The following ATP6V1B1 variants were observed in gnomAD, a reference collection of about 807,000 sequenced individuals.
ATP6V1B1 encodes V-type proton ATPase subunit B, kidney isoform.
Under a neutral mutation model 62.1 loss-of-function variants are expected in ATP6V1B1, and 41 were observed. The ratio of observed to expected loss-of-function variants is 0.66; its 90% confidence interval spans 0.51 to 0.86. The LOEUF is 0.86. Ranked by LOEUF, ATP6V1B1 falls within the 40% of genes least tolerant of loss-of-function variation. The pLI, the probability that ATP6V1B1 is intolerant of heterozygous loss-of-function variation, is 0.00. For missense variants in ATP6V1B1, 651 were observed against 697.5 expected (o/e 0.93, Z 0.75); for synonymous variants, 253 against 273.4 (o/e 0.93, Z 0.74).
intron 1 of ATP6V1B1, chr2:70,938,537 G>A (rs2104798164): frequency 2.0e-6 from 2 of 985,232 alleles, no homozygotes; most frequent in Non-Finnish European, 2.4e-6. Context: ...CTCCCCCGGG[G>A]GAGGTGGGCT....
At chr2:70,943,276 G>C (rs1268923858) in intron 1 of ATP6V1B1, 5 of 423,586 alleles carry the variant, frequency 1.2e-5, no homozygotes, top group Non-Finnish European at 2.2e-5. Context: ...GCACTTTTCG[G>C]CCACAGCCGG....
intron 2 of ATP6V1B1, among the ~76,000 whole-genome samples, chr2:70,957,011 T>G (rs1237880650): frequency 6.6e-6 from 1 of 152,182 alleles, no homozygotes; most frequent in Non-Finnish European, 1.5e-5. Context: ...GCCATTTGTA[T>G]GTCGTCTTTG....
Position 70,963,572 on chromosome 2 carries a change from A to G in ATP6V1B1, c.1061A>G (p.Asp354Gly), listed in dbSNP as rs901409563. The change falls in exon 11 of 14, where the codon GAT becomes GGT. Residue 354 changes from aspartate to glycine, a missense_variant and splice_region_variant. By Grantham distance (94) the Asp-to-Gly change is moderately conservative. Transcript: ENST00000234396. This position sits in a 1 kb window ranked among gnomAD's most constrained non-coding sequence, Gnocchi z 4.3. ...CTGAGGCCAGTGAGTTTTCTTGTAGATATCACCCACCCTATCCCAGACTTG... is the reference window on the plus strand; with the variant it reads ...CTGAGGCCAGTGAGTTTTCTTGTAGGTATCACCCACCCTATCCCAGACTTG... ...QIPILTMPNDDITHPIPDLTG... is the reference protein window; with the variant it reads ...QIPILTMPNDGITHPIPDLTG... 5.6e-6 allele frequency: 9 copies of G among 1,613,950 alleles called. No individual in the cohort carries two copies. Among genetic ancestry groups the G allele is most frequent in the African/African-American group, 4.0e-5 (3 of 74,916 alleles).
chr2:70,943,146 C>G (rs1680044628), intron 1 of ATP6V1B1, among the ~76,000 whole-genome samples: 1 of 151,890 alleles, frequency 6.6e-6, no homozygotes, highest in Non-Finnish European at 1.5e-5. Context: ...GAGGCCCCGT[C>G]TGGTTTTTCT....
chr2:70,943,924 C>A, intron 2 of ATP6V1B1: 1 of 894,754 alleles, frequency 1.1e-6, no homozygotes, highest in Non-Finnish European at 1.3e-6. Context: ...CAGTAAAAAC[C>A]ATAAAAACCC....
chr2:70,958,245 C>A, intron 3 of ATP6V1B1, 88 bp from the exon 4 acceptor site: 1 of 1,591,416 alleles, frequency 6.3e-7, no homozygotes, highest in Non-Finnish European at 8.6e-7. Flanking sequence ...TGGTCTATTT[C>A]CCTGAGAGCA....
chr2:70,944,889 G>A (rs11126310), intron 2 of ATP6V1B1, among the ~76,000 whole-genome samples: 58,077 of 151,868 alleles, frequency 0.38, 11,410 homozygotes, highest in East Asian at 0.56. Flanking sequence ...GGATGGTCTC[G>A]ATCTCTTGAC....
chr2:70,962,280 G>A (rs1241886577), intron 8 of ATP6V1B1, among the ~76,000 whole-genome samples: 1 of 152,204 alleles, frequency 6.6e-6, no homozygotes, highest in African/African-American at 2.4e-5. Context: ...CACATTAGGT[G>A]TGCTTTGAGC....
At position 70,963,778 on chromosome 2, in the gene ATP6V1B1, GC is replaced by G; in HGVS notation, c.1143+126del. 1 of 1,035,478 alleles carries G rather than the reference GC, an allele frequency of 9.7e-7. No individual in the cohort carries two copies. 64.1% of individuals were successfully genotyped at this position (1,035,478 alleles called of 1,614,324 possible). A position where few individuals can be genotyped will look rare whatever the true frequency, so the allele number is the denominator to read the frequency against. On this transcript the variant is annotated intron_variant, in intron 11 of 13. Transcript: ENST00000234396. This position sits in a 1 kb window ranked among gnomAD's most constrained non-coding sequence, Gnocchi z 4.3. ...CAAAGCGAACCCCAAACAGGAGACA[GC>G]CACAGGGAAGACTGCATGGTTCACA... is the stretch of plus-strand genomic sequence containing the variant.
intron 1 of ATP6V1B1, among the ~76,000 whole-genome samples, chr2:70,936,584 A>T (rs932857682): frequency 6.6e-6 from 1 of 151,976 alleles, no homozygotes; most frequent in Non-Finnish European, 1.5e-5. Flanking sequence ...TGTTCTGAGG[A>T]GGGTGCCTGT....
At chr2:70,941,648 A>G (rs782406336) in intron 1 of ATP6V1B1, 32 of 899,800 alleles carry the variant, frequency 3.6e-5, no homozygotes, top group Non-Finnish European at 4.1e-5. Flanking sequence ...TTCATTTGTC[A>G]CTTTCATTTG....
intron 2 of ATP6V1B1, chr2:70,947,479 C>T (rs1463386319): frequency 4.6e-5 from 7 of 152,194 alleles, no homozygotes; most frequent in African/African-American, 1.7e-4. Flanking sequence ...TCTTCTGACT[C>T]CTGTAGTCTG....
intron 2 of ATP6V1B1, chr2:70,957,666 T>C (rs942707762): frequency 3.2e-5 from 11 of 346,206 alleles, no homozygotes; most frequent in Non-Finnish European, 5.1e-5. Flanking sequence ...GCATATGTTA[T>C]CTCATTTCCT....
chr2:70,957,322 A>T (rs1237349877), intron 2 of ATP6V1B1, among the ~76,000 whole-genome samples: 2 of 149,686 alleles, frequency 1.3e-5, no homozygotes, highest in Non-Finnish European at 3.0e-5. Context: ...CTGGTCTCAA[A>T]CTCCTGATCT....
intron 2 of ATP6V1B1, among the ~76,000 whole-genome samples, chr2:70,955,399 G>C (rs1487030676): frequency 6.6e-6 from 1 of 152,134 alleles, no homozygotes; most frequent in Non-Finnish European, 1.5e-5. Flanking sequence ...TATATTCACA[G>C]TTATGCAAAC....
In ATP6V1B1 at chr2:70,963,097, C is replaced by A; in HGVS notation, c.910-65C>A. On this transcript the variant is annotated intron_variant, in intron 9 of 13. Coordinates refer to ENST00000234396, the MANE Select transcript of ATP6V1B1 (RefSeq NM_001692.4). This position sits in a 1 kb window ranked among gnomAD's most constrained non-coding sequence, Gnocchi z 4.3. ...TTTCTCACAGGGTCACTGAACCTCC[C>A]ACCCACCCTTCCTAGCTTCAGCCTC... 1 of 1,611,082 alleles carries A rather than the reference C, an allele frequency of 6.2e-7. No homozygotes were observed. Among genetic ancestry groups the A allele is most frequent in the South Asian group, 1.1e-5 (1 of 90,888 alleles).
intron 2 of ATP6V1B1, among the ~76,000 whole-genome samples, chr2:70,944,668 C>CTTTTT (rs36039112): frequency 7.7e-6 from 1 of 129,368 alleles, no homozygotes; most frequent in Non-Finnish European, 1.6e-5. Flanking sequence ...CAGGTCTTTT[C>CTTTTT]TTTTTTTTTT....
chr2:70,938,071 C>T (rs944035937), intron 1 of ATP6V1B1, among the ~76,000 whole-genome samples: 7 of 152,148 alleles, frequency 4.6e-5, no homozygotes, highest in African/African-American at 1.2e-4. Flanking sequence ...TCCCTGCCAG[C>T]GCCTTTACTT....
At position 70,962,867 on chromosome 2, in the gene ATP6V1B1, G is replaced by A. The variant is rs781869630; in HGVS notation, c.876G>A (p.Thr292=). 5.5e-5 allele frequency: 89 copies of A among 1,614,014 alleles called. No individual in the cohort carries two copies. Among genetic ancestry groups the A allele is most frequent in the Middle Eastern group, 3.3e-4 (2 of 6,084 alleles). ...AGAAGCATGTGCTGGTCATACTGAC[G>A]GACATGAGTTCCTATGCAGAGGCCT... The part of the protein sequence containing the change: ...QCEKHVLVIL[T]DMSSYAEALR... Residue 292 remains threonine (T), a synonymous_variant, in exon 9 of 14, where the codon ACG becomes ACA. Transcript: ENST00000234396.
Sources: gnomAD v4.1 joint callset for allele counts (sites outside exome capture counted in the v4.1 genomes callset) on GRCh38, gnomAD v4.1.1 for gene constraint, Gnocchi (gnomAD v3.1) non-coding constraint, MANE v1.5 for transcripts, NCBI Gene and HGNC (gene_info 2026-07-23, HGNC 2026-07-21) for gene names.